The following NIPSNAP2 variants were observed in gnomAD, a reference collection of about 807,000 sequenced individuals.
The protein encoded by NIPSNAP2 is nipsnap homolog 2.
NIPSNAP2 carries 42 observed loss-of-function variants against 48.4 expected under a neutral mutation model. The ratio of observed to expected loss-of-function variants is 0.87; its 90% CI spans 0.68 to 1.12. The LOEUF (loss-of-function observed/expected upper bound fraction) is 1.12, where lower values mean the gene tolerates loss of function less well. Ranked by LOEUF, NIPSNAP2 falls within the 50% of genes most tolerant of loss-of-function variation. The pLI is 0.00. For synonymous variants in NIPSNAP2, 158 were observed against 126.6 expected, an observed-to-expected ratio of 1.25 and a Z score of -1.67; for missense variants, 314 against 347.3, an observed-to-expected ratio of 0.90 and a Z score of 0.76.
At chr7:55,981,331 A>C in intron 3 of NIPSNAP2, 142 bp from the exon 4 acceptor site, 1 of 615,990 alleles carries the variant, frequency 1.6e-6, no homozygotes, top group Non-Finnish European at 2.9e-6. Flanking sequence ...GGTTAACTCC[A>C]CATGCCGTTT....
In NIPSNAP2 at chr7:55,978,275, A is replaced by T. The variant is rs754030694; in HGVS notation, c.232+10A>T. ...CTATACAAATTACAGTGTGAGTGAC[A>T]GGTTTGCTATCTTCATAGTTGACTT... On this transcript the variant is annotated intron_variant, in intron 2 of 9. Coordinates refer to ENST00000322090, the MANE Select transcript of NIPSNAP2 (RefSeq NM_001483.3). The T allele has an allele frequency of 5.5e-5, 89 of 1,613,742 alleles. No individual in the cohort carries two copies. The highest frequency in any genetic ancestry group is 6.6e-5 in the Non-Finnish European group (78 of 1,179,888).
At chr7:55,976,600 G>T (rs1787112072) in intron 1 of NIPSNAP2, among the ~76,000 whole-genome samples, 1 of 152,132 alleles carries the variant, frequency 6.6e-6, no homozygotes, top group Non-Finnish European at 1.5e-5. Flanking sequence ...TATTTGTGAA[G>T]TAGGGCCAAT....
chr7:55,966,526 T>C (rs1445384938), intron 1 of NIPSNAP2, among the ~76,000 whole-genome samples: 2 of 152,192 alleles, frequency 1.3e-5, no homozygotes, highest in Admixed American at 1.3e-4. Flanking sequence ...GCTCAGGCTG[T>C]AATCCCAGCA....
At position 55,993,095 on chromosome 7, in the gene NIPSNAP2, T is replaced by TC. The variant is rs557639502; in HGVS notation, c.618-1798dup. ...GGACAGATCACTTGAGGTCAGGAGT[T>TC]CAAGACCAGCCTGGCCAATGTGGTG... On this transcript the variant is annotated intron_variant, in intron 7 of 9. Coordinates refer to ENST00000322090, the MANE Select transcript of NIPSNAP2 (RefSeq NM_001483.3). 8.7e-3 allele frequency among the ~76,000 whole-genome samples: 1,322 copies of TC among 151,958 alleles called. 21 individuals carry two copies. Among genetic ancestry groups the TC allele is most frequent in the African/African-American group, 0.03 (1,261 of 41,418 alleles).
intron 1 of NIPSNAP2, among the ~76,000 whole-genome samples, chr7:55,965,779 C>T (rs1022924777): frequency 6.6e-6 from 1 of 152,084 alleles, no homozygotes; most frequent in Non-Finnish European, 1.5e-5. Flanking sequence ...CGGGGTTTCA[C>T]CATGTTGGTC....
At chr7:55,991,729 C>G (rs183446695) in intron 7 of NIPSNAP2, 40 of 152,436 alleles carry the variant, frequency 2.6e-4, no homozygotes, top group Non-Finnish European at 4.2e-4. Flanking sequence ...CCGTGGGCAA[C>G]AAGAGTGAAA....
chr7:55,975,541 G>A (rs572813629), intron 1 of NIPSNAP2, among the ~76,000 whole-genome samples: 9 of 152,270 alleles, frequency 5.9e-5, no homozygotes, highest in Admixed American at 3.9e-4. Flanking sequence ...CACAGCAGTG[G>A]TTGCTAGAGA....
At chr7:55,982,047 T>G (rs994166692) in intron 4 of NIPSNAP2, 163 bp from the exon 5 acceptor site, 12 of 447,972 alleles carry the variant, frequency 2.7e-5, no homozygotes, top group African/African-American at 2.0e-4. Flanking sequence ...CCTCAAGTGA[T>G]CCGCCTGTCT....
chr7:55,988,870 AAAG>A (rs1246012122), intron 7 of NIPSNAP2, among the ~76,000 whole-genome samples: 7 of 152,136 alleles, frequency 4.6e-5, no homozygotes, highest in Non-Finnish European at 1.0e-4. Context: ...ATCTCAAAAA[AAAG>A]AAAAAAAAAA....
At chr7:55,984,064 A>T (rs925222671) in intron 6 of NIPSNAP2, among the ~76,000 whole-genome samples, 196 bp downstream of exon 6, 1 of 152,146 alleles carries the variant, frequency 6.6e-6, no homozygotes, top group Non-Finnish European at 1.5e-5. Context: ...GGCCTTACAC[A>T]TAATGCTTAT....
intron 1 of NIPSNAP2, among the ~76,000 whole-genome samples, chr7:55,970,359 A>G (rs1440288266): frequency 6.8e-6 from 1 of 146,708 alleles, no homozygotes; most frequent in Non-Finnish European, 1.5e-5. Context: ...CCCAGGCTGG[A>G]GAGCAGTGGC....
chr7:55,986,963 A>G (rs924551349), intron 7 of NIPSNAP2, among the ~76,000 whole-genome samples: 5 of 136,812 alleles, frequency 3.7e-5, no homozygotes, highest in African/African-American at 1.3e-4. Context: ...CCTGGGCAAC[A>G]TGGTGAAACC....
intron 1 of NIPSNAP2, among the ~76,000 whole-genome samples, chr7:55,975,620 A>G (rs1457213965): frequency 1.3e-5 from 2 of 152,184 alleles, no homozygotes; most frequent in Non-Finnish European, 2.9e-5. Context: ...TGCTGGTTAC[A>G]TTACTTTAGG....
chr7:55,975,951 C>G (rs939025589), intron 1 of NIPSNAP2, among the ~76,000 whole-genome samples: 1 of 152,154 alleles, frequency 6.6e-6, no homozygotes, highest in East Asian at 1.9e-4. Flanking sequence ...GCGGGAGAAT[C>G]GCTTGAACCT....
In NIPSNAP2 at chr7:55,979,923, C is replaced by T. The variant is rs1340033238; in HGVS notation, c.278+1528C>T. The T allele has an allele frequency of 8.9e-6, 4 of 448,280 alleles. No individual in the cohort carries two copies. The East Asian group carries it at 2.8e-4, about 31-fold the overall frequency. 27.8% of individuals were successfully genotyped at this position (448,280 alleles called of 1,614,324 possible). A position where few individuals can be genotyped will look rare whatever the true frequency, so the allele number is the denominator to read the frequency against. ...GCTCCTAAGAGCAGGTTTGGGGTCC[C>T]CAGCAAAGAGGAGTGGCTACAAATC... On this transcript the variant is annotated intron_variant, in intron 3 of 9. Coordinates refer to ENST00000322090, the MANE Select transcript of NIPSNAP2 (RefSeq NM_001483.3).
chr7:55,982,050 G>A, intron 4 of NIPSNAP2, 160 bp from the exon 5 acceptor site: 2 of 444,508 alleles, frequency 4.5e-6, no homozygotes, highest in East Asian at 3.8e-5. Flanking sequence ...CAAGTGATCC[G>A]CCTGTCTCAG....
intron 7 of NIPSNAP2, among the ~76,000 whole-genome samples, chr7:55,993,904 G>A (rs1787501767): frequency 1.3e-5 from 2 of 150,466 alleles, no homozygotes; most frequent in Admixed American, 1.3e-4. Context: ...CTCATTTTCT[G>A]AATGGTTTGC....
chr7:55,983,894 C>T, intron 6 of NIPSNAP2, 26 bp downstream of exon 6: 1 of 1,601,630 alleles, frequency 6.2e-7, no homozygotes, highest in Non-Finnish European at 8.5e-7. Flanking sequence ...TAAGTTATTC[C>T]TTTTACTCCT....
chr7:55,986,152 C>T (rs746357947), intron 7 of NIPSNAP2, among the ~76,000 whole-genome samples: 12 of 151,586 alleles, frequency 7.9e-5, no homozygotes, highest in Non-Finnish European at 1.2e-4. Flanking sequence ...TCAGCCCAGA[C>T]GTTTGAGACT....
Sources: allele counts gnomAD v4.1 joint callset (sites outside exome capture counted in the v4.1 genomes callset), GRCh38; gene constraint gnomAD v4.1.1; transcripts MANE v1.5; gene names NCBI Gene and HGNC (gene_info 2026-07-23, HGNC 2026-07-21).